Variants in PLEC observed in about 807,000 individuals in gnomAD.
The protein encoded by PLEC is plectin.
Under a neutral mutation model 392.8 loss-of-function variants are expected in PLEC, and 216 were observed. The ratio of observed to expected loss-of-function variants is 0.55; its 90% CI spans 0.49 to 0.62. The LOEUF (loss-of-function observed/expected upper bound fraction) is 0.62. Ranked by LOEUF, PLEC falls within the 20% of genes least tolerant of loss-of-function variation. The pLI is 0.00. For missense variants in PLEC, 6,863 were observed against 6,563.4 expected (o/e 1.05, Z -1.58); for synonymous variants, 3,621 against 2,980.6 (o/e 1.21, Z -7.00).
rs1554670701 is a variant in PLEC at position 143,917,034 on chromosome 8, A to G, written c.12787T>C (p.Ser4263Pro). Residue 4263 changes from serine (S) to proline (P), a missense_variant, in exon 32 of 32, where the codon TCC (serine) becomes CCC (proline). By Grantham distance (74) the Ser-to-Pro change is moderately conservative. Transcript: ENST00000345136. The part of the protein sequence containing the change: ...SSSYPISPAV[S>P]RTQLASWSDP... ...GACCAGGAGGCCAGCTGGGTCCTGGAGACGGCGGGGCTGATGGGGTAGGAG... is the reference window on the plus strand; with the variant it reads ...GACCAGGAGGCCAGCTGGGTCCTGGGGACGGCGGGGCTGATGGGGTAGGAG... 30 of 1,611,270 alleles carry G rather than the reference A, an allele frequency of 1.9e-5. No homozygotes were observed. Among genetic ancestry groups the G allele is most frequent in the Non-Finnish European group, 2.5e-5 (30 of 1,178,686 alleles).
chr8:143,934,300 C>T lies in PLEC; in HGVS notation c.1169+18G>A, dbSNP rs202130692. The T allele has an allele frequency of 1.3e-4, 211 of 1,611,068 alleles. No individual in the cohort carries two copies. Among genetic ancestry groups the T allele is most frequent in the African/African-American group, 1.6e-4 (12 of 74,908 alleles). ...ACACCCTCGGGTGGTTCCCCTGCCACCACAGGGCCCCACCCACCTCTCAAA... is the reference window on the plus strand; with the variant it reads ...ACACCCTCGGGTGGTTCCCCTGCCATCACAGGGCCCCACCCACCTCTCAAA... On this transcript the variant is annotated intron_variant, in intron 11 of 31. Coordinates refer to ENST00000345136, the MANE Select transcript of PLEC (RefSeq NM_201384.3).
rs782764205 is a variant in PLEC at position 143,920,999 on chromosome 8, A to G, written c.8822T>C (p.Leu2941Pro). The G allele has an allele frequency of 6.2e-7, 1 of 1,612,972 alleles. No individual in the cohort carries two copies. Among genetic ancestry groups the G allele is most frequent in the African/African-American group, 1.3e-5 (1 of 74,932 alleles). Residue 2941 changes from leucine to proline, a missense_variant, in exon 32 of 32, where the codon CTG (leucine) becomes CCG (proline). Transcript: ENST00000345136. ...CCGGCCCGTGCGGAACTGCCGCAGCAGGTCCCGCCGCTGCTCTGCCGTGAA... is the reference window on the plus strand; with the variant it reads ...CCGGCCCGTGCGGAACTGCCGCAGCGGGTCCCGCCGCTGCTCTGCCGTGAA... ...EYFTAEQRRD[L>P]LRQFRTGRIT...
chr8:143,920,853 T>C lies in PLEC; in HGVS notation c.8968A>G (p.Arg2990Gly), dbSNP rs1806538444. The C allele has an allele frequency of 1.2e-6, 2 of 1,609,936 alleles. No individual in the cohort carries two copies. Among genetic ancestry groups the C allele is most frequent in the Non-Finnish European group, 1.7e-6 (2 of 1,179,938 alleles). Residue 2990 changes from arginine to glycine, a missense_variant, in exon 32 of 32, where the codon AGG becomes GGG. Arg to Gly is a moderately radical substitution (Grantham distance 125, BLOSUM62 -2). Transcript: ENST00000345136. ...TGGTAGAGCTCGCGGTCGATGACCC[T>C]GCTCTCCAGCAGCTCGGCGGCTGGC... ...LVPAAELLES[R>G]VIDRELYQQL...
rs375894993 is a variant in PLEC, at chr8:143,930,354, C to G, written c.2457+30G>C. On this transcript the variant is annotated intron_variant, in intron 20 of 31. Transcript: ENST00000345136. ...CCACACCCTGCCCTGCCTGGCCACG[C>G]CCCCCAGTGGACCCCCGGCCTGCGC... 2.5e-6 allele frequency: 4 copies of G among 1,579,482 alleles called. No individual in the cohort carries two copies. The South Asian group carries it at 3.4e-5, about 14-fold the overall frequency.
rs782206765 is a variant in PLEC at position 143,916,336 on chromosome 8, G to A, written c.13485C>T (p.Thr4495=). The change falls in exon 32 of 32, where the codon ACC becomes ACT. Residue 4495 remains threonine (T), a synonymous_variant. Coordinates refer to ENST00000345136, the MANE Select transcript of PLEC (RefSeq NM_201384.3). ...STAGSRTGSR[T]GSRAGSRRGS... is the part of the protein sequence containing the mutation. ...CGCGGCGGGAGCCGGCCCGGGAGCC[G>A]GTGCGCGAGCCGGTGCGGGAGCCAG... 3.9e-5 allele frequency: 63 copies of A among 1,597,684 alleles called. No individual in the cohort carries two copies. Among genetic ancestry groups the A allele is most frequent in the South Asian group, 2.1e-4 (19 of 90,424 alleles).
chr8:143,969,372 G>A lies in PLEC; in HGVS notation c.70+4031C>T, dbSNP rs907791900. ...TGGGGCTGAGGCTACTGCAGCCTGT[G>A]GCAGGAGAGCTCTGGGCACCCTATG... is the stretch of plus-strand genomic sequence containing the variant. On this transcript the variant is annotated intron_variant, in intron 1 of 31. Transcript: ENST00000356346. The surrounding 1 kb of genome is among the most constrained non-coding windows in gnomAD (Gnocchi z 5.1). Among the ~76,000 whole-genome samples, 2 of 152,228 alleles carry A rather than the reference G, an allele frequency of 1.3e-5. No individual in the cohort carries two copies. The highest frequency in any genetic ancestry group is 4.8e-5 in the African/African-American group (2 of 41,456).
At chr8:143,956,305 G>C (rs1412842648), upstream of PLEC, among the ~76,000 whole-genome samples, 1 of 152,202 alleles carries the variant, frequency 6.6e-6, no homozygotes, top group Non-Finnish European at 1.5e-5. Context: ...AGATTGGCCA[G>C]GCGTGGTGGC....
Position 143,924,864 on chromosome 8 carries a change from G to C in PLEC, c.5065C>G (p.Leu1689Val), listed in dbSNP as rs371126082. Reference sequence around the variant, plus strand: ...TGCTTCTCCAGCTCTTGTTCAGCCAGCTCCCGCTGCCGGACGGCCTGCTCC... The same window carrying C: ...TGCTTCTCCAGCTCTTGTTCAGCCACCTCCCGCTGCCGGACGGCCTGCTCC... ...AEEQAVRQRELAEQELEKQRQ... is the reference protein window; with the variant it reads ...AEEQAVRQREVAEQELEKQRQ... Residue 1689 changes from leucine (L) to valine (V), a missense_variant, in exon 31 of 32, where the codon CTG (leucine) becomes GTG (valine). Coordinates refer to ENST00000345136, the MANE Select transcript of PLEC (RefSeq NM_201384.3). 2 of 1,587,792 alleles carry C rather than the reference G, an allele frequency of 1.3e-6. No homozygotes were observed. The highest frequency in any genetic ancestry group is 1.7e-6 in the Non-Finnish European group (2 of 1,174,708).
upstream of PLEC, chr8:143,975,212 A>G (rs781861668): frequency 1.9e-5 from 30 of 1,603,536 alleles, no homozygotes; most frequent in Admixed American, 5.0e-4. This position sits in a 1 kb window ranked among gnomAD's most constrained non-coding sequence, Gnocchi z 9.9. Context: ...AGCTGGGTCC[A>G]GGACACTCCC....
chr8:143,956,497 A>G (rs1226592230), upstream of PLEC, among the ~76,000 whole-genome samples: 5 of 152,132 alleles, frequency 3.3e-5, no homozygotes, highest in Admixed American at 2.0e-4. Flanking sequence ...GAACCAGCCC[A>G]CCCAAGGCTG....
chr8:143,927,685 C>T lies in PLEC; in HGVS notation c.3481G>A (p.Glu1161Lys), dbSNP rs1298210653. 2.5e-6 allele frequency: 4 copies of T among 1,581,528 alleles called. No individual in the cohort carries two copies. In the Admixed American group the frequency reaches 6.9e-5, roughly 27 times the overall value. Residue 1161 changes from glutamate to lysine, a missense_variant, in exon 27 of 32, where the codon GAG becomes AAG. Glu to Lys is a moderately conservative substitution (Grantham distance 56). Coordinates refer to ENST00000345136, the MANE Select transcript of PLEC (RefSeq NM_201384.3). The part of the protein sequence containing the change: ...DELRGAQEVG[E>K]RLQQRHGERD... The stretch of plus-strand genomic sequence containing the variant: ...TCCCCGTGCCGCTGCTGCAGTCGCT[C>T]CCCCACCTCCTGTGCCCCCCGCAGC...
Position 143,923,526 on chromosome 8 carries a change from C to A in PLEC, c.6403G>T (p.Ala2135Ser), listed in dbSNP as rs1554692832. The part of the protein sequence containing the change: ...AQARAQAQAA[A>S]EKLRKEAEQE... The stretch of plus-strand genomic sequence containing the variant: ...TCGGCCTCCTTGCGCAGCTTCTCTG[C>A]AGCCGCCTGTGCCTGAGCCCGGGCC... Residue 2135 changes from alanine to serine, a missense_variant, in exon 31 of 32, where the codon GCA (alanine) becomes TCA (serine). Transcript: ENST00000345136. The A allele has an allele frequency of 3.1e-6, 5 of 1,599,976 alleles. No individual in the cohort carries two copies. In the East Asian group the frequency reaches 1.1e-4, roughly 36 times the overall value.
At chr8:143,928,474 G>A (rs1043200172) in intron 25 of PLEC, among the ~76,000 whole-genome samples, 17 of 143,238 alleles carry the variant, frequency 1.2e-4, no homozygotes, top group Non-Finnish European at 1.5e-4. Context: ...AGGAAGAGGC[G>A]GCGGCCCTAT....
In PLEC at chr8:143,935,831, C is replaced by T. The variant is rs371443910; in HGVS notation, c.602+17G>A. On this transcript the variant is annotated intron_variant, in intron 6 of 31. Transcript: ENST00000345136. ...GGTGCCCCCAGCCCACAGCCCCCTG[C>T]CCCCGGGGCCATGTACTTGTGCCGG... 5.8e-5 allele frequency: 94 copies of T among 1,611,790 alleles called. 1 individual carries two copies. The Middle Eastern group carries it at 2.3e-3, about 40-fold the overall frequency.
rs199958797 is a variant in PLEC at position 143,922,573 on chromosome 8, G to T, written c.7356C>A (p.Ile2452=). Reference sequence around the variant, plus strand: ...TCTCCTTCTCACGCTCCAGCTCAGCGATGGCCTCCCGCAGGCGCTCGGCAT... The same window carrying T: ...TCTCCTTCTCACGCTCCAGCTCAGCTATGGCCTCCCGCAGGCGCTCGGCAT... ...DHDAERLREA[I]AELEREKEKL... The change falls in exon 31 of 32, where the codon ATC becomes ATA. Residue 2452 remains isoleucine, a synonymous_variant. Coordinates refer to ENST00000345136, the MANE Select transcript of PLEC (RefSeq NM_201384.3). 6.2e-7 allele frequency: 1 copy of T among 1,613,460 alleles called. No individual in the cohort carries two copies.
rs782020925 is a variant in PLEC, at chr8:143,918,722, G to A, written c.11099C>T (p.Ser3700Phe). ...CTGGTAGATGCTCAGTGTCTGCCTG[G>A]AACCGGGCAGGTAGACACCAGCCAC... is the stretch of plus-strand genomic sequence containing the variant. The part of the protein sequence containing the change: ...GSVAGVYLPG[S>F]RQTLSIYQAL... Residue 3700 changes from serine to phenylalanine, a missense_variant, in exon 32 of 32, where the codon TCC becomes TTC. Ser to Phe is a radical substitution (Grantham distance 155). Transcript: ENST00000345136. 2 of 1,612,984 alleles carry A rather than the reference G, an allele frequency of 1.2e-6. No homozygotes were observed. The highest frequency in any genetic ancestry group is 1.1e-5 in the South Asian group (1 of 91,086).
chr8:143,936,308 C>A (rs565134707), intron 5 of PLEC, among the ~76,000 whole-genome samples: 1 of 152,328 alleles, frequency 6.6e-6, no homozygotes, highest in South Asian at 2.1e-4. Context: ...ACTCCCCTAG[C>A]TGGGGAGGGC....
chr8:143,957,918 G>A (rs781791148), upstream of PLEC, among the ~76,000 whole-genome samples: 19 of 151,894 alleles, frequency 1.3e-4, no homozygotes, highest in Non-Finnish European at 2.5e-4. Flanking sequence ...GGCGACCTGC[G>A]ACAGGCAGAC....
At chr8:143,950,639 C>A (rs1832046284) in exon 1 of PLEC, 14 of 1,594,722 alleles carry the variant, frequency 8.8e-6, no homozygotes, top group Non-Finnish European at 1.2e-5. Flanking sequence ...CACCATCACG[C>A]CCTCGCGGAA....
Sources: gnomAD v4.1 joint callset for allele counts (sites outside exome capture counted in the v4.1 genomes callset) on GRCh38, gnomAD v4.1.1 for gene constraint, Gnocchi (gnomAD v3.1) non-coding constraint, MANE v1.5 for transcripts, NCBI Gene and HGNC (gene_info 2026-07-23, HGNC 2026-07-21) for gene names.